Variants in FUT8 observed in about 807,000 individuals in gnomAD.
FUT8 encodes the protein alpha-(1,6)-fucosyltransferase.
A neutral mutation model predicts 71.3 loss-of-function variants in FUT8; 29 were observed. The observed-to-expected ratio is 0.41, with a 90% CI of 0.30 to 0.55. FUT8 has a LOEUF of 0.55. FUT8 is among the 20% of genes least tolerant of loss of function. The pLI is 0.34. For synonymous variants in FUT8, 254 were observed against 239.3 expected (o/e 1.06, Z -0.57); for missense variants, 544 against 702.1 (o/e 0.77, Z 2.55).
intron 7 of FUT8, among the ~76,000 whole-genome samples, chr14:65,721,384 T>A (rs1283953831): frequency 6.6e-6 from 1 of 152,238 alleles, no homozygotes; most frequent in African/African-American, 2.4e-5. Flanking sequence ...TTTGCTGTAA[T>A]GAAAAGCTAG....
chr14:65,725,010 A>G (rs1326506561), intron 9 of FUT8, among the ~76,000 whole-genome samples: 1 of 152,238 alleles, frequency 6.6e-6, no homozygotes, highest in African/African-American at 2.4e-5. Context: ...AACACTAGCC[A>G]GCCATACAGA....
chr14:65,591,456 T>A (rs948355749), intron 3 of FUT8, among the ~76,000 whole-genome samples: 1 of 152,194 alleles, frequency 6.6e-6, no homozygotes, highest in African/African-American at 2.4e-5. Context: ...CAAGATAATA[T>A]ACAAGAAAAA....
chr14:65,594,761 C>G (rs760750008), intron 3 of FUT8, among the ~76,000 whole-genome samples: 1 of 152,114 alleles, frequency 6.6e-6, no homozygotes. Context: ...CTCTCTGCCT[C>G]TCTCTTCTGA....
At chr14:65,362,893 C>A in the FUT8 span, among the ~76,000 whole-genome samples, 1 of 139,118 alleles carries the variant, frequency 7.2e-6, no homozygotes, top group Admixed American at 7.8e-5. Flanking sequence ...ACCTGGGAGG[C>A]GGAGCCTGCA....
chr14:65,464,814 C>T (rs1045877191), intron 2 of FUT8, among the ~76,000 whole-genome samples: 1 of 152,066 alleles, frequency 6.6e-6, no homozygotes, highest in African/African-American at 2.4e-5. Flanking sequence ...AGGCTGTTGC[C>T]TGGGCTTATG....
At chr14:65,589,991 C>T (rs1032408343) in intron 3 of FUT8, among the ~76,000 whole-genome samples, 3 of 152,168 alleles carry the variant, frequency 2.0e-5, no homozygotes, top group African/African-American at 7.2e-5. Flanking sequence ...CTAGAGGTAA[C>T]ATCTTCTATT....
intron 2 of FUT8, among the ~76,000 whole-genome samples, chr14:65,469,502 A>G (rs2066103110): frequency 6.6e-6 from 1 of 152,090 alleles, no homozygotes; most frequent in African/African-American, 2.4e-5. Context: ...CTCTGTGGCC[A>G]GTGGCGCCTT....
the FUT8 span, among the ~76,000 whole-genome samples, chr14:65,360,117 C>A: frequency 6.6e-6 from 1 of 152,304 alleles, no homozygotes; most frequent in Admixed American, 6.5e-5. Context: ...AGGCATGAGC[C>A]ACTGCACCTG....
chr14:65,726,828 C>G (rs956293785), intron 9 of FUT8, among the ~76,000 whole-genome samples: 2 of 152,150 alleles, frequency 1.3e-5, no homozygotes, highest in African/African-American at 4.8e-5. Context: ...ACCTATGAGC[C>G]TATAAAATCA....
At chr14:65,394,803 C>T in the FUT8 span, among the ~76,000 whole-genome samples, 9 of 145,414 alleles carry the variant, frequency 6.2e-5, no homozygotes, top group East Asian at 4.1e-4. Context: ...CAGAGTGCAG[C>T]GGCATGATCT....
chr14:65,487,582 A>C (rs964634844), intron 2 of FUT8, among the ~76,000 whole-genome samples: 3 of 151,686 alleles, frequency 2.0e-5, no homozygotes, highest in East Asian at 1.9e-4. Flanking sequence ...AAAAAAAAAA[A>C]AAACTCAGTT....
At chr14:65,468,121 A>G in intron 2 of FUT8, 1 of 631,984 alleles carries the variant, frequency 1.6e-6, no homozygotes, top group Admixed American at 2.0e-5. Context: ...CAACTTGCTT[A>G]CAGTGCCAAC....
chr14:65,402,907 A>G, the FUT8 span, among the ~76,000 whole-genome samples: 1 of 152,212 alleles, frequency 6.6e-6, no homozygotes, highest in Admixed American at 6.5e-5. Context: ...CACCAGCACA[A>G]TTTATAGGGA....
chr14:65,648,599 C>T (rs764448374), intron 6 of FUT8, among the ~76,000 whole-genome samples: 1 of 152,160 alleles, frequency 6.6e-6, no homozygotes, highest in Non-Finnish European at 1.5e-5. Context: ...AGTCATGTTA[C>T]CGATGATAAA....
intron 7 of FUT8, among the ~76,000 whole-genome samples, chr14:65,720,313 A>G (rs1206388115): frequency 6.6e-6 from 1 of 152,100 alleles, no homozygotes; most frequent in Non-Finnish European, 1.5e-5. Context: ...AGGGCTCTTC[A>G]GTCAGCTTGT....
chr14:65,701,926 A>AAATG (rs1274661871), intron 7 of FUT8, among the ~76,000 whole-genome samples: 1 of 152,178 alleles, frequency 6.6e-6, no homozygotes, highest in Non-Finnish European at 1.5e-5. Context: ...GTCTCACTGA[A>AAATG]ACTATGATAA....
chr14:65,726,917 G>T (rs2139368458), intron 9 of FUT8, among the ~76,000 whole-genome samples: 1 of 152,272 alleles, frequency 6.6e-6, no homozygotes, highest in African/African-American at 2.4e-5. Flanking sequence ...GAGAGAAATT[G>T]GCCAAAACAA....
intron 3 of FUT8, among the ~76,000 whole-genome samples, chr14:65,598,874 T>G (rs1188770984): frequency 1.3e-5 from 2 of 152,170 alleles, no homozygotes; most frequent in Non-Finnish European, 2.9e-5. Flanking sequence ...CAGTGCAACC[T>G]CTGTCTCTGG....
rs984824542 is a variant in FUT8, at chr14:65,733,099, T to C, written c.1260-132T>C. 3 of 530,128 alleles carry C rather than the reference T, an allele frequency of 5.7e-6. No individual in the cohort carries two copies. The Admixed American group carries it at 1.1e-4, about 20-fold the overall frequency. The allele number at this position is 530,128 out of a possible 1,614,324, so 32.8% of individuals were successfully genotyped here. On this transcript the variant is annotated intron_variant, in intron 9 of 10. Transcript: ENST00000673929. ...ACTGATGGACTTCAAATATGTCTCA[T>C]CAACTACAGTATTAAATGCCATAAT... is the stretch of plus-strand genomic sequence containing the variant.
Sources: allele counts gnomAD v4.1 joint callset (sites outside exome capture counted in the v4.1 genomes callset), GRCh38; gene constraint gnomAD v4.1.1; transcripts MANE v1.5; gene names NCBI Gene and HGNC (gene_info 2026-07-23, HGNC 2026-07-21).